The following SEMA3C variants were observed in gnomAD, a reference collection of about 807,000 sequenced individuals.
SEMA3C encodes semaphorin-3C.
A neutral mutation model predicts 89.4 loss-of-function variants in SEMA3C; 47 were observed. That is an observed-to-expected ratio of 0.53 (90% CI 0.42 to 0.67). SEMA3C has a LOEUF of 0.67. Among genes scored for constraint, SEMA3C ranks in the 30% least tolerant of loss-of-function variants. The pLI, the probability that SEMA3C is intolerant of heterozygous loss-of-function variation, is 0.00. For synonymous variants in SEMA3C, 310 were observed against 320.2 expected, an observed-to-expected ratio of 0.97 and a Z score of 0.34; for missense variants, 839 against 929.1, an observed-to-expected ratio of 0.90 and a Z score of 1.26.
chr7:80,825,998 G>A (rs1789864239), intron 4 of SEMA3C, among the ~76,000 whole-genome samples: 1 of 151,888 alleles, frequency 6.6e-6, no homozygotes, highest in Non-Finnish European at 1.5e-5. Context: ...TAGCAAATAT[G>A]CCCCTGCAAA....
chr7:80,830,487 A>G (rs1291561549), intron 2 of SEMA3C, among the ~76,000 whole-genome samples: 3 of 152,192 alleles, frequency 2.0e-5, no homozygotes, highest in Non-Finnish European at 4.4e-5. Flanking sequence ...AGGGAGCTAA[A>G]TCCCTAAAAT....
chr7:80,914,113 T>C (rs887233433), intron 2 of SEMA3C, among the ~76,000 whole-genome samples: 2 of 152,210 alleles, frequency 1.3e-5, no homozygotes, highest in Non-Finnish European at 2.9e-5. Flanking sequence ...CTCTGTCTAA[T>C]ACAACTTGAA....
chr7:80,847,919 C>T (rs1446417396), intron 2 of SEMA3C, among the ~76,000 whole-genome samples: 1 of 152,164 alleles, frequency 6.6e-6, no homozygotes, highest in Non-Finnish European at 1.5e-5. Flanking sequence ...TCAGTAAGAT[C>T]GTTTCCAGCA....
At chr7:80,812,259 A>G (rs1391617720) in intron 5 of SEMA3C, among the ~76,000 whole-genome samples, 1 of 152,178 alleles carries the variant, frequency 6.6e-6, no homozygotes, top group African/African-American at 2.4e-5. Flanking sequence ...CAGCCTAAAA[A>G]GGTTCTTTCT....
At chr7:80,870,932 C>T (rs1791042322) in intron 2 of SEMA3C, among the ~76,000 whole-genome samples, 1 of 152,154 alleles carries the variant, frequency 6.6e-6, no homozygotes, top group Non-Finnish European at 1.5e-5. Flanking sequence ...GAAAGGACTG[C>T]CTTAAAGGAA....
Position 80,795,800 on chromosome 7 carries a change from GA to G in SEMA3C, c.1131+2291del, listed in dbSNP as rs894115599. On this transcript the variant is annotated intron_variant, in intron 11 of 17. Transcript: ENST00000265361. ...AAGGTCAGAGGTCACTTTGCATGAG[GA>G]AAAAAAAAATCTCCCTGATTTGTAG... is the stretch of plus-strand genomic sequence containing the variant. 4.0e-5 allele frequency among the ~76,000 whole-genome samples: 6 copies of G among 149,726 alleles called. No individual in the cohort carries two copies. In the East Asian group the frequency reaches 5.9e-4, roughly 15 times the overall value.
intron 11 of SEMA3C, among the ~76,000 whole-genome samples, chr7:80,795,557 G>T (rs1160029938): frequency 6.6e-6 from 1 of 152,132 alleles, no homozygotes; most frequent in Admixed American, 6.5e-5. Flanking sequence ...GGTCATTCTT[G>T]AGAGCTAAAA....
intron 4 of SEMA3C, among the ~76,000 whole-genome samples, chr7:80,819,210 G>A (rs1417107575): frequency 7.4e-6 from 1 of 134,816 alleles, no homozygotes; most frequent in Non-Finnish European, 1.7e-5. Context: ...GTTAAAAGAC[G>A]TGTTTCCAGA....
chr7:80,797,961 A>T, intron 11 of SEMA3C, 131 bp downstream of exon 11: 1 of 839,074 alleles, frequency 1.2e-6, no homozygotes, highest in Non-Finnish European at 1.8e-6. Flanking sequence ...TTGCACCACT[A>T]CATTCCACCC....
At chr7:80,840,199 A>G (rs998443363) in intron 2 of SEMA3C, among the ~76,000 whole-genome samples, 3 of 152,076 alleles carry the variant, frequency 2.0e-5, no homozygotes, top group African/African-American at 2.4e-5. Context: ...ATATTCTTTG[A>G]GACATATATT....
chr7:80,916,485 C>T (rs113667248), intron 2 of SEMA3C, among the ~76,000 whole-genome samples, 194 bp downstream of exon 2: 3 of 152,234 alleles, frequency 2.0e-5, no homozygotes, highest in East Asian at 1.9e-4. Flanking sequence ...TTCATAAATA[C>T]CTCAAATCCA....
intron 15 of SEMA3C, among the ~76,000 whole-genome samples, chr7:80,751,722 C>A (rs1252730100): frequency 6.6e-6 from 1 of 152,020 alleles, no homozygotes; most frequent in East Asian, 1.9e-4. Flanking sequence ...TAGCATTTTC[C>A]TTTTTATAAT....
intron 2 of SEMA3C, among the ~76,000 whole-genome samples, chr7:80,875,124 A>G (rs1791170778): frequency 6.6e-6 from 1 of 150,582 alleles, no homozygotes; most frequent in African/African-American, 2.5e-5. Flanking sequence ...CACCTTCCTC[A>G]TAGGTTGTTT....
intron 12 of SEMA3C, among the ~76,000 whole-genome samples, chr7:80,777,296 TG>T (rs869102801): frequency 6.6e-6 from 1 of 152,052 alleles, no homozygotes; most frequent in African/African-American, 2.4e-5. Flanking sequence ...ATTTTTTATT[TG>T]GGGTTTTTTT....
chr7:80,826,472 T>C (rs550813113), intron 4 of SEMA3C, among the ~76,000 whole-genome samples: 4 of 152,314 alleles, frequency 2.6e-5, no homozygotes, highest in South Asian at 4.1e-4. Context: ...CATTTGATTA[T>C]GGCAGACTTT....
chr7:80,846,621 G>A (rs1007871276), intron 2 of SEMA3C, among the ~76,000 whole-genome samples: 10 of 152,024 alleles, frequency 6.6e-5, no homozygotes, highest in South Asian at 2.1e-4. Context: ...GTGAGCCACC[G>A]TGCCCAGCCC....
intron 2 of SEMA3C, among the ~76,000 whole-genome samples, chr7:80,860,177 T>G (rs1282008372): frequency 6.6e-6 from 1 of 152,148 alleles, no homozygotes; most frequent in Non-Finnish European, 1.5e-5. Flanking sequence ...ATAAATGAAC[T>G]ATTGGTTAGT....
At chr7:80,793,437 G>A (rs1239765489) in intron 11 of SEMA3C, 3 of 423,886 alleles carry the variant, frequency 7.1e-6, no homozygotes, top group Non-Finnish European at 1.4e-5. Flanking sequence ...GCACTTTGAT[G>A]TGCCCAGTAG....
intron 10 of SEMA3C, among the ~76,000 whole-genome samples, chr7:80,800,139 C>T (rs1194048935): frequency 3.6e-5 from 5 of 137,516 alleles, no homozygotes; most frequent in East Asian, 4.2e-4. Context: ...GGCAACAGAG[C>T]GAGACTCCAT....
Sources: allele counts gnomAD v4.1 joint callset (sites outside exome capture counted in the v4.1 genomes callset), GRCh38; gene constraint gnomAD v4.1.1; transcripts MANE v1.5; gene names NCBI Gene and HGNC (gene_info 2026-07-23, HGNC 2026-07-21).